The following SNTB1 variants were observed in gnomAD, a reference collection of about 807,000 sequenced individuals.
SNTB1 encodes the protein syntrophin beta 1.
In SNTB1, 36 loss-of-function variants were observed where a neutral mutation model predicts 48.9. The observed-to-expected ratio is 0.74, with a 90% CI of 0.56 to 0.97. The LOEUF is 0.97. SNTB1 is among the 50% of genes least tolerant of loss of function. The pLI is 0.00. For synonymous variants in SNTB1, 299 were observed against 294.6 expected (o/e 1.01, Z -0.15); for missense variants, 786 against 703.4 (o/e 1.12, Z -1.33).
chr8:120,563,528 C>G (rs139832791), intron 4 of SNTB1, among the ~76,000 whole-genome samples: 1 of 152,036 alleles, frequency 6.6e-6, no homozygotes, highest in Non-Finnish European at 1.5e-5. Flanking sequence ...GCAGTCGACA[C>G]CAGGAACATG....
chr8:120,800,265 CA>C (rs1820200707), intron 1 of SNTB1, among the ~76,000 whole-genome samples: 1 of 151,914 alleles, frequency 6.6e-6, no homozygotes, highest in African/African-American at 2.4e-5. Flanking sequence ...ATAACCTAGA[CA>C]ATTAGTGATT....
At chr8:120,785,036 G>A (rs1819898800) in intron 1 of SNTB1, among the ~76,000 whole-genome samples, 2 of 152,318 alleles carry the variant, frequency 1.3e-5, no homozygotes, top group African/African-American at 4.8e-5. Context: ...TGTCATCTGA[G>A]TGCACCCTCA....
intron 3 of SNTB1, among the ~76,000 whole-genome samples, chr8:120,617,940 G>A (rs1816741131): frequency 6.6e-6 from 1 of 152,174 alleles, no homozygotes; most frequent in African/African-American, 2.4e-5. Context: ...AGGTACAACT[G>A]CCTAAGGGTG....
At chr8:120,745,309 C>A (rs886757573) in intron 1 of SNTB1, among the ~76,000 whole-genome samples, 10 of 152,032 alleles carry the variant, frequency 6.6e-5, no homozygotes. Context: ...CTGACATCAT[C>A]CCCATCGTGG....
intron 1 of SNTB1, among the ~76,000 whole-genome samples, chr8:120,794,662 T>A (rs1820092284): frequency 6.6e-6 from 1 of 152,018 alleles, no homozygotes; most frequent in African/African-American, 2.4e-5. Flanking sequence ...GTAATATTAG[T>A]TTTTATTAGT....
At chr8:120,590,066 T>C (rs1370380158) in intron 3 of SNTB1, among the ~76,000 whole-genome samples, 1 of 152,186 alleles carries the variant, frequency 6.6e-6, no homozygotes, top group Non-Finnish European at 1.5e-5. Context: ...CCTCAGTCAA[T>C]ATCCAAGTTC....
At chr8:120,552,440 C>T (rs1322902767) in intron 4 of SNTB1, among the ~76,000 whole-genome samples, 1 of 148,652 alleles carries the variant, frequency 6.7e-6, no homozygotes, top group African/African-American at 2.5e-5. Flanking sequence ...CTCACTGCAA[C>T]CTCCACCTCC....
At chr8:120,792,477 T>C (rs1386681828) in intron 1 of SNTB1, among the ~76,000 whole-genome samples, 3 of 151,932 alleles carry the variant, frequency 2.0e-5, no homozygotes, top group Non-Finnish European at 4.4e-5. Context: ...AAAAATCTAC[T>C]TTATCCCTAA....
chr8:120,779,401 G>A (rs1047243158), intron 1 of SNTB1, among the ~76,000 whole-genome samples: 1 of 152,168 alleles, frequency 6.6e-6, no homozygotes, highest in African/African-American at 2.4e-5. Flanking sequence ...TACTTGGGAG[G>A]CTGAGGCAGG....
chr8:120,657,337 T>G (rs550421133), intron 2 of SNTB1, among the ~76,000 whole-genome samples: 48 of 152,246 alleles, frequency 3.2e-4, no homozygotes, highest in African/African-American at 1.1e-3. Context: ...CTCAGTGGAG[T>G]TGGGGCAATC....
intron 1 of SNTB1, among the ~76,000 whole-genome samples, chr8:120,775,925 T>A (rs1819728818): frequency 6.6e-6 from 1 of 152,202 alleles, no homozygotes; most frequent in African/African-American, 2.4e-5. Flanking sequence ...AGGGTACATG[T>A]GCACAACGTG....
Position 120,766,203 on chromosome 8 carries a change from C to T in SNTB1, c.571+45070G>A, listed in dbSNP as rs79429669. 2.7e-3 allele frequency among the ~76,000 whole-genome samples: 408 copies of T among 152,270 alleles called. 5 individuals carry two copies. Among genetic ancestry groups the T allele is most frequent in the African/African-American group, 9.5e-3 (395 of 41,538 alleles). On this transcript the variant is annotated intron_variant, in intron 1 of 6. Transcript: ENST00000517992. ...ACAGGATACATCTCTCCCTCCTTCA[C>T]TTTTACCTACATTTCCTCACTTAAT...
chr8:120,662,346 A>G (rs1181544026), intron 2 of SNTB1, among the ~76,000 whole-genome samples: 1 of 152,242 alleles, frequency 6.6e-6, no homozygotes, highest in Non-Finnish European at 1.5e-5. Flanking sequence ...CTTATAGTAA[A>G]TGCCAAGGTG....
At chr8:120,551,416 C>T (rs1050472240) in intron 4 of SNTB1, among the ~76,000 whole-genome samples, 6 of 152,036 alleles carry the variant, frequency 3.9e-5, no homozygotes, top group Non-Finnish European at 8.8e-5. Context: ...GCATGTTAAA[C>T]TGAAAAAGGA....
intron 1 of SNTB1, among the ~76,000 whole-genome samples, chr8:120,757,437 C>A (rs1043887605): frequency 2.0e-5 from 3 of 152,158 alleles, no homozygotes; most frequent in African/African-American, 7.2e-5. Flanking sequence ...AAAGGTAACT[C>A]AGAGACAGGA....
At chr8:120,679,205 A>C (rs997080861) in intron 2 of SNTB1, among the ~76,000 whole-genome samples, 2 of 152,136 alleles carry the variant, frequency 1.3e-5, no homozygotes, top group African/African-American at 4.8e-5. Flanking sequence ...CCTGACTGAT[A>C]CCACTCATTT....
At chr8:120,643,059 G>T (rs1040041407) in intron 2 of SNTB1, among the ~76,000 whole-genome samples, 3 of 152,180 alleles carry the variant, frequency 2.0e-5, no homozygotes, top group Non-Finnish European at 4.4e-5. Flanking sequence ...GCATCTGAAG[G>T]CTTGACTGGG....
chr8:120,808,454 T>C (rs1440325808), intron 1 of SNTB1, among the ~76,000 whole-genome samples: 2 of 152,182 alleles, frequency 1.3e-5, no homozygotes, highest in African/African-American at 4.8e-5. Flanking sequence ...AAAAAAGTGT[T>C]ATAAAAATGA....
chr8:120,607,165 A>G (rs1452250131), intron 3 of SNTB1, among the ~76,000 whole-genome samples: 4 of 152,212 alleles, frequency 2.6e-5, no homozygotes, highest in Admixed American at 6.5e-5. Context: ...TTCCAAGTAT[A>G]ATAGTCAAAG....
Sources: allele counts gnomAD v4.1 joint callset (sites outside exome capture counted in the v4.1 genomes callset), GRCh38; gene constraint gnomAD v4.1.1; transcripts MANE v1.5; gene names NCBI Gene and HGNC (gene_info 2026-07-23, HGNC 2026-07-21).